The following SLC4A4 variants were observed in gnomAD, a reference collection of about 807,000 sequenced individuals.
The protein encoded by SLC4A4 is solute carrier family 4 member 4.
SLC4A4 carries 27 observed loss-of-function variants against 111.5 expected under a neutral mutation model. That is an observed-to-expected ratio of 0.24 (90% confidence interval 0.18 to 0.33). SLC4A4 has a LOEUF of 0.33. Among genes scored for constraint, SLC4A4 ranks in the 10% least tolerant of loss-of-function variants. The pLI, the probability that SLC4A4 is intolerant of heterozygous loss-of-function variation, is 1.00. For missense variants in SLC4A4, 909 were observed against 1,315.5 expected (o/e 0.69, Z 4.78); for synonymous variants, 443 against 463.4 (o/e 0.96, Z 0.57).
chr4:71,384,642 C>CA (rs773419796), intron 6 of SLC4A4, among the ~76,000 whole-genome samples: 6,175 of 61,134 alleles, frequency 0.1, 342 homozygotes, highest in South Asian at 0.2. Context: ...TCCCTCCCAC[C>CA]AAAAAAAAAA....
chr4:71,063,709 G>T (rs1029585326), intron 1 of SLC4A4, among the ~76,000 whole-genome samples: 4 of 151,966 alleles, frequency 2.6e-5, no homozygotes, highest in African/African-American at 9.7e-5. Context: ...TATTTTTCTT[G>T]TCCAAAAGAG....
chr4:71,103,714 T>G (rs896127739), intron 2 of SLC4A4, among the ~76,000 whole-genome samples: 18 of 152,202 alleles, frequency 1.2e-4, no homozygotes, highest in Non-Finnish European at 2.5e-4. Context: ...AGATGTTCTT[T>G]GAAACCAACG....
rs201950603 is a variant in SLC4A4, at chr4:71,486,879, C to T, written c.1904-69C>T. 0.11 allele frequency: 97,991 copies of T among 922,600 alleles called. 6,239 individuals are homozygous for T. The highest frequency in any genetic ancestry group is 0.22 in the African/African-American group (13,150 of 59,388). 57.2% of individuals were successfully genotyped at this position (922,600 alleles called of 1,614,324 possible). On this transcript the variant is annotated intron_variant, in intron 14 of 25. Transcript: ENST00000264485. ...TGTATAACCCTGCTTTTAAAAATAC[C>T]TAATTATGCATTTAAGGTCTTTTTC...
At chr4:71,207,419 A>G (rs1302470527) in intron 1 of SLC4A4, among the ~76,000 whole-genome samples, 3 of 152,260 alleles carry the variant, frequency 2.0e-5, no homozygotes, top group Admixed American at 2.0e-4. Context: ...AATTTATAGC[A>G]TGTGCTTCCA....
At chr4:71,475,929 C>G (rs1471861555) in intron 14 of SLC4A4, among the ~76,000 whole-genome samples, 1 of 151,714 alleles carries the variant, frequency 6.6e-6, no homozygotes, top group Non-Finnish European at 1.5e-5. Flanking sequence ...ATAAACAGAC[C>G]TATCTTCATC....
intron 4 of SLC4A4, among the ~76,000 whole-genome samples, chr4:71,343,419 T>C (rs1729048905): frequency 6.6e-6 from 1 of 152,214 alleles, no homozygotes; most frequent in African/African-American, 2.4e-5. Flanking sequence ...CCTTATTTAA[T>C]TGGAATCAAC....
chr4:71,088,525 T>C (rs950764670), intron 1 of SLC4A4, among the ~76,000 whole-genome samples: 2 of 152,106 alleles, frequency 1.3e-5, no homozygotes, highest in Non-Finnish European at 2.9e-5. Context: ...TTTGGCATGT[T>C]TTTGCAGTGG....
intron 4 of SLC4A4, among the ~76,000 whole-genome samples, chr4:71,342,796 T>G (rs1380193452): frequency 3.3e-5 from 5 of 152,180 alleles, no homozygotes. Context: ...GGATTTTCAC[T>G]CAAGATTTTT....
intron 7 of SLC4A4, among the ~76,000 whole-genome samples, chr4:71,439,809 C>T (rs1188403687): frequency 2.6e-5 from 4 of 151,424 alleles, no homozygotes; most frequent in African/African-American, 4.9e-5. Context: ...CTTCCCTCTC[C>T]GTCTTTCTGC....
intron 20 of SLC4A4, among the ~76,000 whole-genome samples, chr4:71,549,340 A>C (rs1735794226): frequency 6.6e-6 from 1 of 151,858 alleles, no homozygotes; most frequent in African/African-American, 2.4e-5. Flanking sequence ...AACCTCATCC[A>C]GTGAGATCAT....
intron 7 of SLC4A4, among the ~76,000 whole-genome samples, chr4:71,429,166 A>G (rs918580135): frequency 4.1e-4 from 63 of 152,264 alleles, no homozygotes; most frequent in African/African-American, 1.4e-3. Flanking sequence ...CGTAATATTA[A>G]TGATATGATT....
At chr4:71,275,534 G>A (rs16846196) in intron 3 of SLC4A4, among the ~76,000 whole-genome samples, 3,359 of 152,288 alleles carry the variant, frequency 0.022, 125 homozygotes, top group African/African-American at 0.073. Flanking sequence ...TGCCTTTCAA[G>A]GTTTCAAGGT....
chr4:71,371,402 C>T (rs1731866134), intron 6 of SLC4A4, among the ~76,000 whole-genome samples: 1 of 152,016 alleles, frequency 6.6e-6, no homozygotes, highest in Non-Finnish European at 1.5e-5. Flanking sequence ...CACCACCACT[C>T]CCAGCTAATT....
intron 9 of SLC4A4, among the ~76,000 whole-genome samples, chr4:71,448,149 G>C (rs535616120): frequency 6.6e-6 from 1 of 151,726 alleles, no homozygotes; most frequent in African/African-American, 2.4e-5. Context: ...GTGAAAACCC[G>C]TTTCTACTAA....
At chr4:71,415,937 T>G (rs923905054) in intron 7 of SLC4A4, among the ~76,000 whole-genome samples, 2 of 152,178 alleles carry the variant, frequency 1.3e-5, no homozygotes, top group African/African-American at 4.8e-5. Context: ...TCTTCTTAAT[T>G]CCACAGAGTA....
chr4:71,446,594 T>C lies in SLC4A4; in HGVS notation c.966-1052T>C, dbSNP rs566503207. 4.6e-5 allele frequency among the ~76,000 whole-genome samples: 7 copies of C among 152,330 alleles called. No homozygotes were observed. The South Asian group carries it at 1.4e-3, about 32-fold the overall frequency. On this transcript the variant is annotated intron_variant, in intron 8 of 25. Transcript: ENST00000264485. ...CTTCCATTAACCTCCACCAGCCTCATTTTCCTCACCATTAAATGGGAATAG... is the reference window on the plus strand; with the variant it reads ...CTTCCATTAACCTCCACCAGCCTCACTTTCCTCACCATTAAATGGGAATAG...
At chr4:71,377,295 C>G (rs1189448552) in intron 6 of SLC4A4, among the ~76,000 whole-genome samples, 8 of 152,216 alleles carry the variant, frequency 5.3e-5, no homozygotes, top group Middle Eastern at 3.4e-3. Flanking sequence ...AACAATAGAA[C>G]CAGATGGTTC....
intron 14 of SLC4A4, among the ~76,000 whole-genome samples, chr4:71,480,316 A>C (rs943093536): frequency 3.3e-5 from 5 of 151,606 alleles, no homozygotes; most frequent in Non-Finnish European, 7.4e-5. Flanking sequence ...AGTTGTGGTG[A>C]AAATCTCAAT....
intron 3 of SLC4A4, among the ~76,000 whole-genome samples, chr4:71,284,791 G>A (rs1297358311): frequency 6.6e-6 from 1 of 152,066 alleles, no homozygotes; most frequent in Non-Finnish European, 1.5e-5. Context: ...TTATATATCT[G>A]TATTCTTACA....
Sources: allele counts gnomAD v4.1 joint callset (sites outside exome capture counted in the v4.1 genomes callset), GRCh38; gene constraint gnomAD v4.1.1; transcripts MANE v1.5; gene names NCBI Gene and HGNC (gene_info 2026-07-23, HGNC 2026-07-21).